KCND2: variants seen among roughly 807,000 people sequenced by gnomAD.
The protein encoded by KCND2 is potassium voltage-gated channel subfamily D member 2.
KCND2 carries 16 observed loss-of-function variants against 54.4 expected under a neutral mutation model. That is an observed-to-expected ratio of 0.29 (90% CI 0.20 to 0.45). The LOEUF is 0.45. Among genes scored for constraint, KCND2 ranks in the 20% least tolerant of loss-of-function variants. KCND2 has a pLI of 1.00. For synonymous variants in KCND2, 317 were observed against 310.7 expected (o/e 1.02, Z -0.21); for missense variants, 486 against 824.2 (o/e 0.59, Z 5.02).
intron 1 of KCND2, among the ~76,000 whole-genome samples, chr7:120,727,947 A>G (rs2116128597): frequency 6.6e-6 from 1 of 152,090 alleles, no homozygotes; most frequent in Non-Finnish European, 1.5e-5. Context: ...CATCCTGGCC[A>G]ACATGGTGAA....
chr7:120,326,032 C>T (rs1334630398), intron 1 of KCND2, among the ~76,000 whole-genome samples: 1 of 151,936 alleles, frequency 6.6e-6, no homozygotes, highest in Non-Finnish European at 1.5e-5. Context: ...AGTGGTTGGG[C>T]TCACATAAAC....
intron 1 of KCND2, among the ~76,000 whole-genome samples, chr7:120,444,571 C>T (rs1238719269): frequency 6.6e-6 from 1 of 151,954 alleles, no homozygotes; most frequent in African/African-American, 2.4e-5. Context: ...TGCTGTAAAA[C>T]CCTGGATACT....
intron 1 of KCND2, among the ~76,000 whole-genome samples, chr7:120,662,134 T>C (rs1791872872): frequency 6.6e-6 from 1 of 152,210 alleles, no homozygotes; most frequent in Admixed American, 6.5e-5. Context: ...CTGTTAATCT[T>C]AGATCTGTTT....
intron 1 of KCND2, among the ~76,000 whole-genome samples, chr7:120,674,420 C>A (rs1488287641): frequency 6.7e-6 from 1 of 150,182 alleles, no homozygotes; most frequent in Non-Finnish European, 1.5e-5. Context: ...TTTGAAAAAC[C>A]GTGTCTTTGT....
chr7:120,729,302 T>G (rs572664374), intron 1 of KCND2, among the ~76,000 whole-genome samples: 1 of 152,352 alleles, frequency 6.6e-6, no homozygotes, highest in African/African-American at 2.4e-5. Context: ...ACTATATTTT[T>G]TGCTCTTCTC....
At chr7:120,551,601 T>G (rs911340187) in intron 1 of KCND2, among the ~76,000 whole-genome samples, 2 of 152,294 alleles carry the variant, frequency 1.3e-5, no homozygotes, top group Middle Eastern at 3.4e-3. Context: ...CAACTTAGCT[T>G]TCATACTTAA....
intron 1 of KCND2, among the ~76,000 whole-genome samples, chr7:120,338,198 G>A (rs935842397): frequency 3.9e-5 from 6 of 152,028 alleles, no homozygotes; most frequent in East Asian, 3.9e-4. Context: ...AGTGTGGTAC[G>A]CTAATCACAA....
At chr7:120,537,322 A>G (rs931655610) in intron 1 of KCND2, among the ~76,000 whole-genome samples, 6 of 152,202 alleles carry the variant, frequency 3.9e-5, no homozygotes, top group African/African-American at 1.2e-4. Context: ...TCAGTAAACC[A>G]TGCTGTAAAC....
chr7:120,386,129 A>G (rs1800984652), intron 1 of KCND2, among the ~76,000 whole-genome samples: 1 of 152,174 alleles, frequency 6.6e-6, no homozygotes, highest in Admixed American at 6.6e-5. Context: ...GACAAAAGTC[A>G]GAAGCATTTG....
intron 1 of KCND2, among the ~76,000 whole-genome samples, chr7:120,682,389 T>C (rs1477272994): frequency 6.6e-6 from 1 of 152,090 alleles, no homozygotes; most frequent in Non-Finnish European, 1.5e-5. Context: ...TCCTAACTGA[T>C]AGAATACAGT....
intron 1 of KCND2, among the ~76,000 whole-genome samples, chr7:120,281,464 T>C (rs1048840407): frequency 2.0e-5 from 3 of 151,540 alleles, no homozygotes; most frequent in Non-Finnish European, 4.4e-5. Flanking sequence ...AACACCATTT[T>C]TGTGCATATT....
chr7:120,590,876 T>C (rs896827122), intron 1 of KCND2, among the ~76,000 whole-genome samples: 1 of 152,188 alleles, frequency 6.6e-6, no homozygotes, highest in Non-Finnish European at 1.5e-5. Context: ...TTATGAGAAC[T>C]TCATCAGAGA....
chr7:120,451,366 G>A (rs777316875), intron 1 of KCND2, among the ~76,000 whole-genome samples: 1 of 152,046 alleles, frequency 6.6e-6, no homozygotes, highest in Admixed American at 6.6e-5. Context: ...TGAGTGACAG[G>A]CATTTTTGTT....
intron 1 of KCND2, among the ~76,000 whole-genome samples, chr7:120,702,873 AC>A (rs200250704): frequency 3.3e-5 from 5 of 151,406 alleles, no homozygotes; most frequent in South Asian, 2.1e-4. Flanking sequence ...CTGTACAATA[AC>A]CCCCCCGTCA....
chr7:120,675,400 CTT>C (rs560152224), intron 1 of KCND2, among the ~76,000 whole-genome samples: 3 of 144,892 alleles, frequency 2.1e-5, no homozygotes, highest in Non-Finnish European at 3.1e-5. Flanking sequence ...AATTTTTTCT[CTT>C]TTTTTTTTTT....
At chr7:120,446,024 T>G (rs953528470) in intron 1 of KCND2, among the ~76,000 whole-genome samples, 1 of 152,172 alleles carries the variant, frequency 6.6e-6, no homozygotes, top group Non-Finnish European at 1.5e-5. Context: ...AAATATTTGT[T>G]TAATCCATTA....
intron 1 of KCND2, among the ~76,000 whole-genome samples, chr7:120,710,004 A>G (rs1443498365): frequency 1.3e-5 from 2 of 152,220 alleles, no homozygotes; most frequent in South Asian, 2.1e-4. Flanking sequence ...CAGCAACAGC[A>G]GACCATTAAA....
intron 1 of KCND2, among the ~76,000 whole-genome samples, chr7:120,312,624 G>T (rs1799754503): frequency 6.6e-6 from 1 of 152,138 alleles, no homozygotes; most frequent in African/African-American, 2.4e-5. Context: ...CAGCCTCAAA[G>T]AATTACTTGA....
At chr7:120,364,077 G>A (rs1286564095) in intron 1 of KCND2, among the ~76,000 whole-genome samples, 1 of 152,054 alleles carries the variant, frequency 6.6e-6, no homozygotes, top group Non-Finnish European at 1.5e-5. Flanking sequence ...ACAGTGCCTG[G>A]CACATAAGAG....
Sources: gnomAD v4.1 joint callset for allele counts (sites outside exome capture counted in the v4.1 genomes callset) on GRCh38, gnomAD v4.1.1 for gene constraint, MANE v1.5 for transcripts, NCBI Gene and HGNC (gene_info 2026-07-23, HGNC 2026-07-21) for gene names.